FAM228B: variants seen among roughly 807,000 people sequenced by gnomAD.
FAM228B encodes the protein protein FAM228B.
A neutral mutation model predicts 42.6 loss-of-function variants in FAM228B; 38 were observed. The ratio of observed to expected loss-of-function variants is 0.89; its 90% CI spans 0.69 to 1.17. The LOEUF is 1.17. FAM228B is among the 50% of genes most tolerant of loss of function. The pLI, the probability that FAM228B is intolerant of heterozygous loss-of-function variation, is 0.00. For missense variants in FAM228B, 344 were observed against 367.3 expected (o/e 0.94, Z 0.52); for synonymous variants, 109 against 122.3 (o/e 0.89, Z 0.72).
chr2:24,143,177 T>C (rs1410972406), intron 5 of FAM228B, among the ~76,000 whole-genome samples: 1 of 152,108 alleles, frequency 6.6e-6, no homozygotes, highest in Non-Finnish European at 1.5e-5. Flanking sequence ...TTTTTTTTCT[T>C]TTTTGGTTTG....
chr2:24,085,537 CCCTCAAT>C (rs1203209946), intron 2 of FAM228B: 3 of 152,164 alleles, frequency 2.0e-5, no homozygotes, highest in African/African-American at 7.2e-5. Flanking sequence ...CATCTGATCA[CCCTCAAT>C]ATCTCATCCT....
At chr2:24,149,178 G>A (rs754489658) in intron 7 of FAM228B, among the ~76,000 whole-genome samples, 1 of 152,226 alleles carries the variant, frequency 6.6e-6, no homozygotes. Flanking sequence ...CAATGCTGCA[G>A]CAAACATGGG....
chr2:24,165,739 T>G, intron 9 of FAM228B: 1 of 313,884 alleles, frequency 3.2e-6, no homozygotes, highest in Non-Finnish European at 6.4e-6. Flanking sequence ...AATGGAAAGT[T>G]TATAGAAATA....
chr2:24,095,967 G>A lies in FAM228B; in HGVS notation c.-121+738G>A, dbSNP rs13415416. Reference sequence around the variant, plus strand: ...CAATATTTGCTGTTCTGCAGCCTCCGCTGGTGATACCCAGGAAAACAGGGT... The same window carrying A: ...CAATATTTGCTGTTCTGCAGCCTCCACTGGTGATACCCAGGAAAACAGGGT... On this transcript the variant is annotated intron_variant, in intron 3 of 10. Transcript: ENST00000613899. The surrounding 1 kb of genome is among the most constrained non-coding windows in gnomAD (Gnocchi z 4.8). 0.12 allele frequency: 17,770 copies of A among 152,322 alleles called. 1,245 individuals are homozygous for A. The highest frequency in any genetic ancestry group is 0.18 in the South Asian group (867 of 4,828). The allele number at this position is 152,322 out of a possible 1,614,324, so 9.4% of individuals were successfully genotyped here.
intron 7 of FAM228B, among the ~76,000 whole-genome samples, chr2:24,155,532 T>TATATATATATATA (rs1491091074): frequency 8.7e-5 from 1 of 11,534 alleles, no homozygotes; most frequent in Non-Finnish European, 1.8e-4. Flanking sequence ...TATATATATA[T>TATATATATATATA]TTTTTTTTTT....
intron 7 of FAM228B, among the ~76,000 whole-genome samples, chr2:24,147,552 A>G (rs1666927324): frequency 6.6e-6 from 1 of 152,068 alleles, no homozygotes; most frequent in Non-Finnish European, 1.5e-5. Context: ...TCACAGTGCC[A>G]TAGCTCTTAC....
intron 7 of FAM228B, among the ~76,000 whole-genome samples, chr2:24,147,502 A>C (rs1666925816): frequency 6.6e-6 from 1 of 151,956 alleles, no homozygotes; most frequent in Non-Finnish European, 1.5e-5. Context: ...CTTCCTCCTG[A>C]GACTCCAATT....
chr2:24,114,740 C>A (rs1665861116), intron 3 of FAM228B, among the ~76,000 whole-genome samples: 1 of 152,134 alleles, frequency 6.6e-6, no homozygotes, highest in South Asian at 2.1e-4. Flanking sequence ...TAGCAATAGT[C>A]AGTGTAGAAT....
intron 2 of FAM228B, among the ~76,000 whole-genome samples, chr2:24,086,546 TG>T (rs979655357): frequency 1.6e-4 from 24 of 151,672 alleles, no homozygotes; most frequent in African/African-American, 5.6e-4. Context: ...CTCTCTTTTT[TG>T]TAGTGTAGGG....
intron 3 of FAM228B, among the ~76,000 whole-genome samples, chr2:24,099,414 T>C (rs1665563837): frequency 6.6e-6 from 1 of 152,210 alleles, no homozygotes; most frequent in Non-Finnish European, 1.5e-5. Context: ...GATAAGCAAC[T>C]TCAGCAAAGT....
At chr2:24,133,140 C>T (rs1666496232) in intron 2 of FAM228B, among the ~76,000 whole-genome samples, 1 of 152,198 alleles carries the variant, frequency 6.6e-6, no homozygotes, top group South Asian at 2.1e-4. Context: ...AAGGCCCTTT[C>T]TCAGGCAAGT....
In FAM228B at chr2:24,084,300, C is replaced by A. The variant is rs757394139; in HGVS notation, c.-210+3345C>A. The A allele has an allele frequency of 1.2e-6, 2 of 1,614,070 alleles. No homozygotes were observed. ...TCACGTAGAGGTTTTCCGGTCCTCC[C>A]GGCTTGTCAAAGTGCACGGCTAACA... On this transcript the variant is annotated intron_variant, in intron 2 of 10. Transcript: ENST00000613899. The surrounding 1 kb of genome is among the most constrained non-coding windows in gnomAD (Gnocchi z 8.4).
chr2:24,109,934 T>A (rs1665762078), intron 3 of FAM228B, among the ~76,000 whole-genome samples: 2 of 152,206 alleles, frequency 1.3e-5, no homozygotes, highest in Admixed American at 6.5e-5. Context: ...CATTACTGGG[T>A]ATATACCCAA....
At chr2:24,100,223 C>G (rs1384067521) in intron 3 of FAM228B, among the ~76,000 whole-genome samples, 1 of 152,286 alleles carries the variant, frequency 6.6e-6, no homozygotes, top group Admixed American at 6.5e-5. Context: ...GACTTCATGA[C>G]TAAAACACCA....
chr2:24,152,989 G>A (rs1667057892), intron 7 of FAM228B, among the ~76,000 whole-genome samples: 2 of 152,096 alleles, frequency 1.3e-5, no homozygotes, highest in African/African-American at 4.8e-5. Context: ...TGGTCTATGG[G>A]GATTCTGCCA....
intron 3 of FAM228B, among the ~76,000 whole-genome samples, chr2:24,136,955 C>G (rs1211274116): frequency 1.3e-5 from 2 of 152,154 alleles, no homozygotes; most frequent in East Asian, 1.9e-4. Context: ...TTGGTAACCT[C>G]TAATCTACCT....
intron 2 of FAM228B, among the ~76,000 whole-genome samples, chr2:24,128,552 G>C (rs1666370669): frequency 6.6e-6 from 1 of 151,620 alleles, no homozygotes; most frequent in Non-Finnish European, 1.5e-5. Flanking sequence ...TCTTATTATT[G>C]GTTAAATTTT....
rs1429280567 is a variant in FAM228B at position 24,084,712 on chromosome 2, G to A, written c.-210+3757G>A. On this transcript the variant is annotated intron_variant, in intron 2 of 10. Transcript: ENST00000613899. The surrounding 1 kb of genome is among the most constrained non-coding windows in gnomAD (Gnocchi z 8.4). ...CCCCAGCCCGACCCGGGTCCCCGGC[G>A]CCCGTATGAGTTACTTACTCCTGGC... 5.8e-6 allele frequency: 1 copy of A among 172,978 alleles called. No homozygotes were observed. The highest frequency in any genetic ancestry group is 1.6e-4 in the East Asian group (1 of 6,440). The allele number at this position is 172,978 out of a possible 1,614,324, so 10.7% of individuals were successfully genotyped here.
intron 3 of FAM228B, among the ~76,000 whole-genome samples, chr2:24,117,921 T>C (rs961573984): frequency 2.6e-5 from 4 of 152,242 alleles, no homozygotes; most frequent in Non-Finnish European, 5.9e-5. Flanking sequence ...AAGATAGCTG[T>C]CCCTTCCCAG....
Sources: allele counts gnomAD v4.1 joint callset (sites outside exome capture counted in the v4.1 genomes callset), GRCh38; gene constraint gnomAD v4.1.1; non-coding constraint Gnocchi (gnomAD v3.1); transcripts MANE v1.5; gene names NCBI Gene and HGNC (gene_info 2026-07-23, HGNC 2026-07-21).